Variants in RBFOX3 observed in about 807,000 individuals in gnomAD.
The protein encoded by RBFOX3 is RNA binding fox-1 homolog 3.
A neutral mutation model predicts 48.7 loss-of-function variants in RBFOX3; 17 were observed. That is an observed-to-expected ratio of 0.35 (90% CI 0.24 to 0.52). The LOEUF (loss-of-function observed/expected upper bound fraction) is 0.52, where lower values mean the gene tolerates loss of function less well. RBFOX3 is among the 20% of genes least tolerant of loss of function. The pLI is 0.94. For synonymous variants in RBFOX3, 212 were observed against 209.5 expected, an observed-to-expected ratio of 1.01 and a Z score of -0.10; for missense variants, 382 against 497.5, an observed-to-expected ratio of 0.77 and a Z score of 2.21.
At chr17:79,538,488 G>A (rs1383412912) in intron 1 of RBFOX3, among the ~76,000 whole-genome samples, 2 of 152,202 alleles carry the variant, frequency 1.3e-5, no homozygotes, top group East Asian at 1.9e-4. Context: ...AGGAAGCCTC[G>A]ATGCCACCTC....
chr17:79,096,568 G>A (rs1295609329), intron 12 of RBFOX3, 85 bp downstream of exon 12: 2 of 1,191,196 alleles, frequency 1.7e-6, no homozygotes, highest in African/African-American at 3.0e-5. Context: ...GGGAGGAGCG[G>A]GCAGTGAGAG....
intron 4 of RBFOX3, among the ~76,000 whole-genome samples, chr17:79,192,730 CCT>C (rs1196339474): frequency 4.6e-5 from 7 of 152,302 alleles, no homozygotes; most frequent in South Asian, 4.1e-4. Flanking sequence ...GCTGCCTACA[CCT>C]CTGTCTCCCT....
chr17:79,321,722 T>TTTA (rs1555668620), intron 2 of RBFOX3, among the ~76,000 whole-genome samples: 1 of 150,702 alleles, frequency 6.6e-6, no homozygotes, highest in African/African-American at 2.4e-5. Flanking sequence ...TTTTTTTTTT[T>TTTA]ATAGACGGAG....
the RBFOX3 span, among the ~76,000 whole-genome samples, chr17:79,619,997 A>G: frequency 6.6e-6 from 1 of 151,874 alleles, no homozygotes; most frequent in Non-Finnish European, 1.5e-5. Flanking sequence ...ACGCACATGC[A>G]CACACATGCA....
At chr17:79,643,080 C>T in the RBFOX3 span, among the ~76,000 whole-genome samples, 1 of 152,008 alleles carries the variant, frequency 6.6e-6, no homozygotes, top group African/African-American at 2.4e-5. Flanking sequence ...CTGGCCTGAG[C>T]AACAAAGTTG....
chr17:79,273,407 GGA>G (rs1446028103), intron 3 of RBFOX3, among the ~76,000 whole-genome samples: 3 of 152,158 alleles, frequency 2.0e-5, no homozygotes, highest in Non-Finnish European at 2.9e-5. Flanking sequence ...TGTGAGAAGG[GGA>G]GAGAGTGTTT....
At chr17:79,525,195 C>T (rs1364376310) in intron 1 of RBFOX3, among the ~76,000 whole-genome samples, 4 of 152,100 alleles carry the variant, frequency 2.6e-5, no homozygotes, top group South Asian at 2.1e-4. Flanking sequence ...TGTGGAGCGG[C>T]GTCTCTGGGC....
At chr17:79,153,805 G>T (rs771063688) in intron 4 of RBFOX3, among the ~76,000 whole-genome samples, 2 of 152,170 alleles carry the variant, frequency 1.3e-5, no homozygotes, top group Non-Finnish European at 2.9e-5. Flanking sequence ...GACCATGGAT[G>T]TTGATATTTG....
chr17:79,596,586 C>G (rs1202133667), intron 1 of RBFOX3, among the ~76,000 whole-genome samples: 1 of 152,226 alleles, frequency 6.6e-6, no homozygotes, highest in Non-Finnish European at 1.5e-5. Context: ...CCCCAACCAG[C>G]TCTCAGAATT....
At chr17:79,352,277 C>G (rs550562035) in intron 2 of RBFOX3, among the ~76,000 whole-genome samples, 19 of 152,222 alleles carry the variant, frequency 1.2e-4, no homozygotes, top group African/African-American at 3.6e-4. Context: ...AGTGAGTTCT[C>G]ATGATATCTG....
chr17:79,577,717 C>T (rs1045098631), intron 1 of RBFOX3, among the ~76,000 whole-genome samples: 13 of 152,160 alleles, frequency 8.5e-5, no homozygotes, highest in African/African-American at 2.7e-4. Flanking sequence ...CTCCAGCTCC[C>T]GAAGCAGGTT....
intron 3 of RBFOX3, among the ~76,000 whole-genome samples, chr17:79,236,800 G>A (rs902500240): frequency 7.9e-5 from 12 of 152,136 alleles, no homozygotes; most frequent in East Asian, 1.9e-4. Context: ...GACTCCACAC[G>A]AGTGCCTGGA....
intron 1 of RBFOX3, among the ~76,000 whole-genome samples, chr17:79,539,015 A>G (rs1417994467): frequency 1.3e-5 from 2 of 152,160 alleles, no homozygotes; most frequent in Non-Finnish European, 2.9e-5. Flanking sequence ...GGGAAATGCA[A>G]TTAAAATGCT....
chr17:79,519,155 G>A (rs1208253500), intron 1 of RBFOX3, among the ~76,000 whole-genome samples: 3 of 152,214 alleles, frequency 2.0e-5, no homozygotes, highest in Non-Finnish European at 2.9e-5. Flanking sequence ...CATAAAAATC[G>A]GAAGAAACAA....
In RBFOX3 at chr17:79,463,017, C is replaced by T. The variant is rs905114968; in HGVS notation, c.-175+19437G>A. On this transcript the variant is annotated intron_variant, in intron 2 of 14. Coordinates refer to ENST00000693108, the MANE Select transcript of RBFOX3 (RefSeq NM_001350451.2). ...GCCACTGCCACCTCCACCACCATTG[C>T]CACTGACACCTCCACCACCATCGCC... Among the ~76,000 whole-genome samples the T allele has an allele frequency of 3.6e-5, 5 of 140,574 alleles. No homozygotes were observed. The East Asian group carries it at 1.0e-3, about 28-fold the overall frequency. 92.2% of individuals were successfully genotyped at this position (140,574 alleles called of 152,430 possible).
chr17:79,359,860 G>A (rs1393659829), intron 2 of RBFOX3, among the ~76,000 whole-genome samples: 1 of 151,998 alleles, frequency 6.6e-6, no homozygotes, highest in African/African-American at 2.4e-5. Context: ...TGAGCAGCAA[G>A]GACTACAGGT....
chr17:79,606,738 C>T lies in RBFOX3; in HGVS notation c.-320+4088G>A, dbSNP rs1049035444. On this transcript the variant is annotated intron_variant, in intron 1 of 14. Coordinates refer to ENST00000693108, the MANE Select transcript of RBFOX3 (RefSeq NM_001350451.2). ...GTCCCCAACCCAGAACAGGCCCCGC[C>T]GGGTATGCACAGCATATGTATGTGT... 7.1e-4 allele frequency among the ~76,000 whole-genome samples: 108 copies of T among 152,284 alleles called. No homozygotes were observed. In the East Asian group the frequency reaches 0.013, roughly 18 times the overall value.
At position 79,137,955 on chromosome 17, in the gene RBFOX3, ATCT is replaced by A. The variant is rs569135080; in HGVS notation, c.-33-22210_-33-22208del. On this transcript the variant is annotated intron_variant, in intron 4 of 14. Transcript: ENST00000693108. ...GGGGCTGACAACTCCATTTTTAAAC[ATCT>A]TCTTCTCTAGAAGCCATGTGCACAT... Among the ~76,000 whole-genome samples, 217 of 152,246 alleles carry A rather than the reference ATCT, an allele frequency of 1.4e-3. 1 individual carries two copies. The highest frequency in any genetic ancestry group is 6.8e-3 in the Middle Eastern group (2 of 294).
At chr17:79,433,253 G>A (rs1350455224) in intron 2 of RBFOX3, among the ~76,000 whole-genome samples, 1 of 152,162 alleles carries the variant, frequency 6.6e-6, no homozygotes, top group Non-Finnish European at 1.5e-5. Context: ...CCTGGTCTCT[G>A]GGCCAGGGCT....
Sources: allele counts gnomAD v4.1 joint callset (sites outside exome capture counted in the v4.1 genomes callset), GRCh38; gene constraint gnomAD v4.1.1; transcripts MANE v1.5; gene names NCBI Gene and HGNC (gene_info 2026-07-23, HGNC 2026-07-21).